MITF: variants seen among roughly 807,000 people sequenced by gnomAD.
MITF encodes microphthalmia-associated transcription factor.
MITF carries 17 observed loss-of-function variants against 60.5 expected under a neutral mutation model. The ratio of observed to expected loss-of-function variants is 0.28; its 90% CI spans 0.19 to 0.42. The LOEUF is 0.42. MITF is among the 10% of genes least tolerant of loss of function. MITF has a pLI of 1.00. For missense variants in MITF, 622 were observed against 683.5 expected (o/e 0.91, Z 1.00); for synonymous variants, 260 against 248.5 (o/e 1.05, Z -0.43).
In MITF at chr3:69,959,267, TCGCAGAGACATG is replaced by T; in HGVS notation, c.1032-2_1041del. 6.2e-7 allele frequency: 1 copy of T among 1,614,052 alleles called. No homozygotes were observed. Among genetic ancestry groups the T allele is most frequent in the Non-Finnish European group, 8.5e-7 (1 of 1,179,984 alleles). On this transcript the variant is annotated splice_acceptor_variant and splice_polypyrimidine_tract_variant and coding_sequence_variant and intron_variant, in exon 9 of 10. Transcript: ENST00000352241. LOFTEE classifies it high-confidence loss of function. ...AAATATCTGTTTTCCTCCATTTTCA[TCGCAGAGACATG>T]CGCTGGAACAAGGGAACCATCTTAA...
At chr3:69,791,202 T>G (rs974168026) in intron 1 of MITF, among the ~76,000 whole-genome samples, 2 of 152,222 alleles carry the variant, frequency 1.3e-5, no homozygotes, top group Non-Finnish European at 2.9e-5. Flanking sequence ...AAAGCCAGTT[T>G]GCTAATCAGG....
chr3:69,832,439 A>G (rs1469586286), intron 1 of MITF, among the ~76,000 whole-genome samples: 1 of 152,222 alleles, frequency 6.6e-6, no homozygotes, highest in Non-Finnish European at 1.5e-5. Flanking sequence ...AAGATCTTCT[A>G]CATTTATTTG....
intron 1 of MITF, among the ~76,000 whole-genome samples, chr3:69,789,022 A>G (rs1218110311): frequency 5.9e-5 from 9 of 152,172 alleles, no homozygotes; most frequent in African/African-American, 1.7e-4. Flanking sequence ...AAACATAGTG[A>G]TATTGAACTT....
intron 7 of MITF, among the ~76,000 whole-genome samples, chr3:69,952,276 A>AAAAG (rs775463322): frequency 2.6e-5 from 4 of 152,160 alleles, no homozygotes; most frequent in African/African-American, 4.8e-5. Flanking sequence ...ATTTGAAAGA[A>AAAAG]AAAGAAAGAA....
Position 69,967,114 on chromosome 3 carries a change from G to A in MITF, c.*1866G>A, listed in dbSNP as rs1170399429. On this transcript the variant is annotated 3_prime_UTR_variant, in exon 10 of 10. Transcript: ENST00000352241. Reference sequence around the variant, plus strand: ...TGATGGGTGATGGAGGGTTCAGAGAGGAGTGATCGTCAGATGTGTGAATGG... The same window carrying A: ...TGATGGGTGATGGAGGGTTCAGAGAAGAGTGATCGTCAGATGTGTGAATGG... The A allele has an allele frequency of 4.3e-6, 1 of 232,780 alleles. No homozygotes were observed. Among genetic ancestry groups the A allele is most frequent in the Non-Finnish European group, 8.5e-6 (1 of 117,514 alleles). The allele number at this position is 232,780 out of a possible 1,614,324, so 14.4% of individuals were successfully genotyped here. A position where few individuals can be genotyped will look rare whatever the true frequency, so the allele number is the denominator to read the frequency against.
intron 1 of MITF, among the ~76,000 whole-genome samples, chr3:69,847,190 T>G (rs556704937): frequency 7.0e-4 from 106 of 152,316 alleles, no homozygotes; most frequent in Admixed American, 1.2e-3. Context: ...TATCCGTTTT[T>G]TTCCCTTAGT....
intron 1 of MITF, among the ~76,000 whole-genome samples, chr3:69,794,941 G>C (rs1249627557): frequency 6.6e-6 from 1 of 152,180 alleles, no homozygotes; most frequent in Non-Finnish European, 1.5e-5. Context: ...ACAGTAGTTT[G>C]TACTTTTTGA....
At chr3:69,911,218 ATTCTGAGGCCTCACC>A (rs1173495143) in intron 2 of MITF, among the ~76,000 whole-genome samples, 1 of 152,092 alleles carries the variant, frequency 6.6e-6, no homozygotes, top group Non-Finnish European at 1.5e-5. Context: ...TCCCACCATC[ATTCTGAGGCCTCACC>A]GGCCGTGTGG....
chr3:69,804,939 G>A (rs1354676976), intron 1 of MITF, among the ~76,000 whole-genome samples: 1 of 152,186 alleles, frequency 6.6e-6, no homozygotes. Flanking sequence ...TAGATAGAGG[G>A]CACAGCTCTT....
At chr3:69,901,924 G>T (rs1358025234) in intron 2 of MITF, among the ~76,000 whole-genome samples, 1 of 152,170 alleles carries the variant, frequency 6.6e-6, no homozygotes, top group East Asian at 1.9e-4. Flanking sequence ...CCACTATTCT[G>T]GGCCTACATG....
intron 1 of MITF, among the ~76,000 whole-genome samples, chr3:69,758,094 A>G (rs1418632778): frequency 6.9e-6 from 1 of 145,274 alleles, no homozygotes; most frequent in Non-Finnish European, 1.5e-5. Flanking sequence ...ATATAAATAT[A>G]TATATATATA....
intron 1 of MITF, among the ~76,000 whole-genome samples, chr3:69,806,394 T>G (rs1303609801): frequency 6.6e-6 from 1 of 152,104 alleles, no homozygotes; most frequent in Non-Finnish European, 1.5e-5. Flanking sequence ...CCCATTTTAC[T>G]AATTTTTAAC....
intron 1 of MITF, among the ~76,000 whole-genome samples, chr3:69,776,930 C>T (rs2062483105): frequency 1.3e-5 from 2 of 152,130 alleles, no homozygotes; most frequent in African/African-American, 4.8e-5. Context: ...ATTCCACAAA[C>T]ACTCTGTGGA....
At chr3:69,840,646 G>A (rs2063619340) in intron 1 of MITF, among the ~76,000 whole-genome samples, 1 of 152,032 alleles carries the variant, frequency 6.6e-6, no homozygotes, top group Admixed American at 6.5e-5. Flanking sequence ...TATTAGATAT[G>A]TGAATTATCC....
chr3:69,759,782 T>A lies in MITF; in HGVS notation c.104+20081T>A, dbSNP rs115494572. ...AAAGCTTTTCCAGGTACCTGATCGC[T>A]CTCTTTTTTTTTTGAGACAAAGTCT... On this transcript the variant is annotated intron_variant, in intron 1 of 9. Transcript: ENST00000352241. 7.9e-3 allele frequency among the ~76,000 whole-genome samples: 1,208 copies of A among 152,096 alleles called. 13 individuals are homozygous for A. The highest frequency in any genetic ancestry group is 0.027 in the African/African-American group (1,137 of 41,508).
chr3:69,828,876 T>A (rs924822135), intron 1 of MITF, among the ~76,000 whole-genome samples: 3 of 129,696 alleles, frequency 2.3e-5, no homozygotes, highest in Non-Finnish European at 5.4e-5. Context: ...AGCAGAGCTT[T>A]ATTTTTTTTC....
At chr3:69,920,620 C>T (rs2065444567) in intron 2 of MITF, among the ~76,000 whole-genome samples, 1 of 152,206 alleles carries the variant, frequency 6.6e-6, no homozygotes, top group Non-Finnish European at 1.5e-5. Flanking sequence ...GAAGGGCTCC[C>T]TGTCCAGTGG....
intron 9 of MITF, among the ~76,000 whole-genome samples, chr3:69,964,226 C>T (rs1384023245): frequency 1.3e-5 from 2 of 151,972 alleles, no homozygotes; most frequent in African/African-American, 4.8e-5. Context: ...GATCCGCCCC[C>T]CTCGGCCTCC....
chr3:69,820,513 T>C (rs890624200), intron 1 of MITF, among the ~76,000 whole-genome samples: 2 of 152,186 alleles, frequency 1.3e-5, no homozygotes, highest in Admixed American at 1.3e-4. Flanking sequence ...CTAAGAGCTT[T>C]ACAGAGCTTA....
Sources: gnomAD v4.1 joint callset for allele counts (sites outside exome capture counted in the v4.1 genomes callset) on GRCh38, gnomAD v4.1.1 for gene constraint, MANE v1.5 for transcripts, NCBI Gene and HGNC (gene_info 2026-07-23, HGNC 2026-07-21) for gene names.